Variants in PCSK1 observed in about 807,000 individuals in gnomAD.
PCSK1 encodes the protein neuroendocrine convertase 1.
In PCSK1, 56 loss-of-function variants were observed where a neutral mutation model predicts 90.6. The ratio of observed to expected loss-of-function variants is 0.62; its 90% CI spans 0.50 to 0.77. The LOEUF is 0.77. Among genes scored for constraint, PCSK1 ranks in the 30% least tolerant of loss-of-function variants. The pLI is 0.00. For synonymous variants in PCSK1, 348 were observed against 342.4 expected (o/e 1.02, Z -0.18); for missense variants, 801 against 932.6 (o/e 0.86, Z 1.84).
intron 5 of PCSK1, 115 bp from the exon 6 acceptor site, chr5:96,416,236 TTTTG>T (rs1009804357): frequency 4.7e-5 from 35 of 742,284 alleles, no homozygotes; most frequent in East Asian, 1.9e-4. Flanking sequence ...TTGTTACTGT[TTTTG>T]TTTGTTTGTT....
intron 3 of PCSK1, among the ~76,000 whole-genome samples, chr5:96,424,995 AAG>A (rs10605649): frequency 1.2e-3 from 171 of 137,346 alleles, no homozygotes; most frequent in African/African-American, 2.5e-3. Flanking sequence ...GAAAGAAAGA[AAG>A]AGAAAGAAAG....
At position 96,392,998 on chromosome 5, in the gene PCSK1, AT is replaced by A. The variant is rs1360244595; in HGVS notation, c.*2del. 1 of 1,613,978 alleles carries A rather than the reference AT, an allele frequency of 6.2e-7. No homozygotes were observed. The highest frequency in any genetic ancestry group is 8.5e-7 in the Non-Finnish European group (1 of 1,179,970). ...ATTTCCAACTTGGGACCACACACTT[AT>A]TTTAATTTTCCTCATTCAGAATGTC... On this transcript the variant is annotated 3_prime_UTR_variant, in exon 14 of 14. Coordinates refer to ENST00000311106, the MANE Select transcript of PCSK1 (RefSeq NM_000439.5).
chr5:96,402,544 CAG>C (rs1760417879), intron 9 of PCSK1, among the ~76,000 whole-genome samples: 1 of 152,186 alleles, frequency 6.6e-6, no homozygotes, highest in Non-Finnish European at 1.5e-5. Flanking sequence ...CCTCACACCT[CAG>C]AGTCCATAAA....
At chr5:96,411,024 T>C in intron 7 of PCSK1, 38 bp from the exon 8 acceptor site, 2 of 1,400,554 alleles carry the variant, frequency 1.4e-6, no homozygotes, top group South Asian at 2.3e-5. Context: ...TCTGTTATCA[T>C]CTATTGGGGT....
At chr5:96,393,459 G>C in intron 13 of PCSK1, 81 bp from the exon 14 acceptor site, 1 of 1,521,100 alleles carries the variant, frequency 6.6e-7, no homozygotes, top group East Asian at 2.3e-5. Flanking sequence ...CCTACCACAG[G>C]AACGCTGCCT....
In PCSK1 at chr5:96,392,831, T is replaced by C; in HGVS notation, c.*170A>G. The C allele has an allele frequency of 1.4e-6, 1 of 696,856 alleles. No individual in the cohort carries two copies. Among genetic ancestry groups the C allele is most frequent in the Non-Finnish European group, 2.5e-6 (1 of 397,994 alleles). The allele number at this position is 696,856 out of a possible 1,614,324, so 43.2% of individuals were successfully genotyped here. A position where few individuals can be genotyped will look rare whatever the true frequency, so the allele number is the denominator to read the frequency against. On this transcript the variant is annotated 3_prime_UTR_variant, in exon 14 of 14. Transcript: ENST00000311106. ...GATCAATTCTGGAAGTTGAACTTCC[T>C]GCTTGAGCTCATCCCCTTCACATGT...
In PCSK1 at chr5:96,403,632, G is replaced by T. The variant is rs369166649; in HGVS notation, c.1197-3446C>A. Among the ~76,000 whole-genome samples, 3 of 152,242 alleles carry T rather than the reference G, an allele frequency of 2.0e-5. No homozygotes were observed. The East Asian group carries it at 5.8e-4, about 29-fold the overall frequency. On this transcript the variant is annotated intron_variant, in intron 9 of 13. Transcript: ENST00000311106. Reference sequence around the variant, plus strand: ...CAAAGATATGTTTACAGAAAATAAGGGTATGGAATTAAACACCGAATTAAG... The same window carrying T: ...CAAAGATATGTTTACAGAAAATAAGTGTATGGAATTAAACACCGAATTAAG...
chr5:96,423,184 A>T (rs1761179659), intron 4 of PCSK1, 129 bp downstream of exon 4: 1 of 830,730 alleles, frequency 1.2e-6, no homozygotes, highest in African/African-American at 1.7e-5. Context: ...GGGAGAAGGG[A>T]CATAACCTTG....
chr5:96,390,560 T>C lies in PCSK1; in HGVS notation c.*2441A>G, dbSNP rs1242075922. 3 of 152,618 alleles carry C rather than the reference T, an allele frequency of 2.0e-5. No homozygotes were observed. Among genetic ancestry groups the C allele is most frequent in the African/African-American group, 4.8e-5 (2 of 41,470 alleles). The allele number at this position is 152,618 out of a possible 1,614,324, so 9.5% of individuals were successfully genotyped here. On this transcript the variant is annotated 3_prime_UTR_variant, in exon 14 of 14. Coordinates refer to ENST00000311106, the MANE Select transcript of PCSK1 (RefSeq NM_000439.5). Reference sequence around the variant, plus strand: ...CAACACATACATGTACTTTTTTTCATTGACAGAGGAACATGCCTTTCAAAA... The same window carrying C: ...CAACACATACATGTACTTTTTTTCACTGACAGAGGAACATGCCTTTCAAAA...
chr5:96,411,128 G>C (rs1055786548), intron 7 of PCSK1, 142 bp from the exon 8 acceptor site: 2 of 729,182 alleles, frequency 2.7e-6, no homozygotes, highest in Non-Finnish European at 4.9e-6. Flanking sequence ...AGATCTTTTG[G>C]CTTCGATATT....
rs541743047 is a variant in PCSK1, at chr5:96,391,938, T to C, written c.*1063A>G. On this transcript the variant is annotated 3_prime_UTR_variant, in exon 14 of 14. Coordinates refer to ENST00000311106, the MANE Select transcript of PCSK1 (RefSeq NM_000439.5). Reference sequence around the variant, plus strand: ...CAATTTGGTGAGAATTTGGACACTATCAGTGATAGGATTGGAGAAGAACTT... The same window carrying C: ...CAATTTGGTGAGAATTTGGACACTACCAGTGATAGGATTGGAGAAGAACTT... 6.6e-6 allele frequency: 1 copy of C among 152,278 alleles called. No individual in the cohort carries two copies. Among genetic ancestry groups the C allele is most frequent in the African/African-American group, 2.4e-5 (1 of 41,562 alleles). 9.4% of individuals were successfully genotyped at this position (152,278 alleles called of 1,614,324 possible).
intron 10 of PCSK1, 92 bp from the exon 11 acceptor site, chr5:96,399,128 C>T (rs568843280): frequency 3.3e-6 from 3 of 900,248 alleles, no homozygotes. Context: ...TGACTAGATG[C>T]TCAACTAAGC....
chr5:96,412,897 TCCCA>T, intron 6 of PCSK1: 6 of 141,888 alleles, frequency 4.2e-5, no homozygotes, highest in Non-Finnish European at 7.5e-5. Flanking sequence ...TTGCCCTCCC[TCCCA>T]CCCCAACTAA....
At position 96,412,752 on chromosome 5, in the gene PCSK1, G is replaced by GTTTTTTTT. The variant is rs57397343; in HGVS notation, c.710-270_710-263dup. On this transcript the variant is annotated intron_variant, in intron 6 of 13. Coordinates refer to ENST00000311106, the MANE Select transcript of PCSK1 (RefSeq NM_000439.5). ...CATGCACTGTGTAGGCAGCTGTGAT[G>GTTTTTTTT]TTTTTTTTTTTTTTTTTTTTTTTGG... 4.6e-4 allele frequency among the ~76,000 whole-genome samples: 33 copies of GTTTTTTTT among 71,804 alleles called. 4 individuals carry two copies. Among genetic ancestry groups the GTTTTTTTT allele is most frequent in the African/African-American group, 1.9e-3 (21 of 11,128 alleles). 47.1% of individuals were successfully genotyped at this position (71,804 alleles called of 152,430 possible). A position where few individuals can be genotyped will look rare whatever the true frequency, so the allele number is the denominator to read the frequency against.
chr5:96,408,422 C>T (rs1760644844), intron 8 of PCSK1, 99 bp from the exon 9 acceptor site: 1 of 807,498 alleles, frequency 1.2e-6, no homozygotes, highest in Non-Finnish European at 2.1e-6. Flanking sequence ...TCTGCTATGA[C>T]CAGGAAACTC....
chr5:96,397,342 T>C lies in PCSK1; in HGVS notation c.1716A>G (p.Thr572=), dbSNP rs1433396298. Residue 572 remains threonine, a synonymous_variant, in exon 12 of 14, where the codon ACA becomes ACG. Transcript: ENST00000311106. Reference sequence around the variant, plus strand: ...TCCTCTCATTCACACTTACCATGTCTGTAATTCTCAAAGTCCAAGTACCTA... The same window carrying C: ...TCCTCTCATTCACACTTACCATGTCCGTAATTCTCAAAGTCCAAGTACCTA... The part of the protein sequence containing the change: ...NPIGTWTLRI[T]DMSGRIQNEG... 1.2e-6 allele frequency: 2 copies of C among 1,613,146 alleles called. No individual in the cohort carries two copies. The highest frequency in any genetic ancestry group is 8.5e-7 in the Non-Finnish European group (1 of 1,179,166).
chr5:96,394,021 A>G (rs1760046548), intron 13 of PCSK1, among the ~76,000 whole-genome samples: 1 of 152,192 alleles, frequency 6.6e-6, no homozygotes, highest in Non-Finnish European at 1.5e-5. Flanking sequence ...CAGGTCCTGG[A>G]GGGAAGCTGC....
At chr5:96,420,688 G>GGCC (rs1761096388) in intron 5 of PCSK1, among the ~76,000 whole-genome samples, 2 of 139,560 alleles carry the variant, frequency 1.4e-5, no homozygotes, top group Admixed American at 1.5e-4. Context: ...AATAACTTTA[G>GGCC]ATCAGTATTA....
chr5:96,397,509 C>G, intron 11 of PCSK1, 40 bp from the exon 12 acceptor site: 1 of 1,541,884 alleles, frequency 6.5e-7, no homozygotes, highest in African/African-American at 1.4e-5. Flanking sequence ...CCTAATAGCT[C>G]TGATAGTAGG....
Sources: allele counts gnomAD v4.1 joint callset (sites outside exome capture counted in the v4.1 genomes callset), GRCh38; gene constraint gnomAD v4.1.1; transcripts MANE v1.5; gene names NCBI Gene and HGNC (gene_info 2026-07-23, HGNC 2026-07-21).